ARHGEF4: variants seen among roughly 807,000 people sequenced by gnomAD.
The protein encoded by ARHGEF4 is Rho guanine nucleotide exchange factor 4, also known as APC-stimulated guanine nucleotide exchange factor 1.
In ARHGEF4, 119 loss-of-function variants were observed where a neutral mutation model predicts 162.0. The observed-to-expected ratio is 0.73, with a 90% CI of 0.63 to 0.86. The LOEUF is 0.86. Ranked by LOEUF, ARHGEF4 falls within the 40% of genes least tolerant of loss-of-function variation. The pLI is 0.00. For missense variants in ARHGEF4, 2,488 were observed against 2,456.0 expected (o/e 1.01, Z -0.28); for synonymous variants, 1,014 against 979.9 (o/e 1.03, Z -0.65).
intron 1 of ARHGEF4, among the ~76,000 whole-genome samples, chr2:130,882,261 G>T (rs116378176): frequency 6.6e-6 from 1 of 152,100 alleles, no homozygotes. Context: ...GCTGGGCCCA[G>T]GAGGGCCTGT....
chr2:131,004,935 AACACCACAC>A (rs1335680306), intron 4 of ARHGEF4, among the ~76,000 whole-genome samples: 1 of 152,156 alleles, frequency 6.6e-6, no homozygotes, highest in African/African-American at 2.4e-5. Flanking sequence ...GGAGAAGGAT[AACACCACAC>A]ACACACCAGG....
chr2:131,031,993 C>T (rs1046191200), intron 5 of ARHGEF4, among the ~76,000 whole-genome samples: 9 of 152,188 alleles, frequency 5.9e-5, no homozygotes, highest in African/African-American at 1.4e-4. Flanking sequence ...GGGGAGAGGA[C>T]GGCCTGGCTC....
chr2:131,033,643 T>TG (rs1383909169), intron 5 of ARHGEF4, among the ~76,000 whole-genome samples: 1 of 152,190 alleles, frequency 6.6e-6, no homozygotes, highest in Non-Finnish European at 1.5e-5. Flanking sequence ...TGCTGGGATT[T>TG]GGGGGTACCA....
chr2:130,956,811 A>C (rs927871123), intron 4 of ARHGEF4, among the ~76,000 whole-genome samples: 1 of 102,228 alleles, frequency 9.8e-6, no homozygotes, highest in Non-Finnish European at 1.8e-5. Context: ...CACTCAGGGG[A>C]CTGTCGTGGG....
At chr2:130,902,646 A>T (rs2105019465) in intron 1 of ARHGEF4, among the ~76,000 whole-genome samples, 1 of 149,932 alleles carries the variant, frequency 6.7e-6, no homozygotes, top group South Asian at 2.1e-4. Context: ...AAAAGAAAAG[A>T]AAAGAGAACC....
At chr2:131,023,302 G>GT (rs1456578151) in intron 4 of ARHGEF4, among the ~76,000 whole-genome samples, 1 of 151,850 alleles carries the variant, frequency 6.6e-6, no homozygotes, top group Non-Finnish European at 1.5e-5. Context: ...GTGTGGTGGT[G>GT]TGAGCCTGTA....
At chr2:130,845,132 A>G (rs559421417) in intron 1 of ARHGEF4, among the ~76,000 whole-genome samples, 187 of 150,530 alleles carry the variant, frequency 1.2e-3, no homozygotes, top group Non-Finnish European at 2.5e-3. Context: ...TATTTTACTT[A>G]TAACCAGTGG....
chr2:130,906,525 C>T (rs1250355962), intron 1 of ARHGEF4, among the ~76,000 whole-genome samples: 1 of 152,180 alleles, frequency 6.6e-6, no homozygotes, highest in Non-Finnish European at 1.5e-5. Context: ...TAGCCTTAAG[C>T]TTTTGTTTGT....
intron 4 of ARHGEF4, among the ~76,000 whole-genome samples, chr2:130,959,302 T>C (rs1488423616): frequency 2.6e-5 from 4 of 152,030 alleles, no homozygotes; most frequent in Non-Finnish European, 4.4e-5. Context: ...GTTCTGCACA[T>C]AGAAGGTTTA....
At chr2:130,847,175 C>T (rs1038862013) in intron 1 of ARHGEF4, among the ~76,000 whole-genome samples, 2 of 152,250 alleles carry the variant, frequency 1.3e-5, no homozygotes, top group East Asian at 1.9e-4. Context: ...CGGCTGCACC[C>T]TCCAGAAGCA....
chr2:131,013,654 G>A (rs773996531), intron 4 of ARHGEF4, among the ~76,000 whole-genome samples: 2 of 152,206 alleles, frequency 1.3e-5, no homozygotes, highest in Non-Finnish European at 2.9e-5. Flanking sequence ...AGACTGGAGT[G>A]CAGTGGTGCG....
chr2:131,035,272 C>A, intron 5 of ARHGEF4: 3 of 1,218,316 alleles, frequency 2.5e-6, no homozygotes, highest in African/African-American at 3.1e-5. Flanking sequence ...AGCGGCCGCG[C>A]AGGGCGCCGC....
chr2:130,866,285 G>T (rs1468139530), intron 1 of ARHGEF4, among the ~76,000 whole-genome samples: 1 of 152,188 alleles, frequency 6.6e-6, no homozygotes, highest in African/African-American at 2.4e-5. Context: ...TCGGGAGACT[G>T]AGGCAGGAGA....
intron 1 of ARHGEF4, among the ~76,000 whole-genome samples, chr2:130,907,889 G>A (rs770369438): frequency 5.3e-5 from 8 of 150,654 alleles, no homozygotes; most frequent in Non-Finnish European, 1.2e-4. Context: ...CTGGGAGGGC[G>A]GAGGTTGCAG....
chr2:130,915,405 G>C lies in ARHGEF4; in HGVS notation c.1459G>C (p.Glu487Gln), dbSNP rs1377169339. The C allele has an allele frequency of 1.3e-6, 2 of 1,550,616 alleles. No individual in the cohort carries two copies. The highest frequency in any genetic ancestry group is 1.7e-6 in the Non-Finnish European group (2 of 1,147,022). Residue 487 changes from glutamate to glutamine, a missense_variant, in exon 2 of 14, where the codon GAG becomes CAG. Transcript: ENST00000409359. ...QLAPRAADER[E>Q]TQKHLWGISV... The stretch of plus-strand genomic sequence containing the variant: ...CGCACCAAGAGCTGCTGATGAGAGA[G>C]AGACACAGAAGCACCTCTGGGGCAT...
chr2:131,014,670 A>G (rs1489441145), intron 4 of ARHGEF4, among the ~76,000 whole-genome samples: 1 of 152,210 alleles, frequency 6.6e-6, no homozygotes, highest in Non-Finnish European at 1.5e-5. Flanking sequence ...TTAAAACATA[A>G]GGTCTCTTTC....
intron 4 of ARHGEF4, among the ~76,000 whole-genome samples, chr2:130,981,994 A>C (rs373212251): frequency 2.7e-5 from 4 of 150,430 alleles, no homozygotes; most frequent in African/African-American, 9.7e-5. Flanking sequence ...AAGAATTGCC[A>C]AACTGCCAAT....
Position 131,045,004 on chromosome 2 carries a change from C to T in ARHGEF4, c.5402-365C>T, listed in dbSNP as rs912644256. Among the ~76,000 whole-genome samples, 16 of 152,198 alleles carry T rather than the reference C, an allele frequency of 1.1e-4. 1 individual carries two copies. Among genetic ancestry groups the T allele is most frequent in the Admixed American group, 9.2e-4 (14 of 15,290 alleles). On this transcript the variant is annotated intron_variant, in intron 12 of 13. Transcript: ENST00000409359. ...ACATCTCCCCACTACACCTTCCCTC[C>T]TGTCCACGGGCCCCCACATTACCCG...
chr2:131,038,802 G>C (rs761652969), intron 5 of ARHGEF4, 51 bp from the exon 6 acceptor site: 3 of 1,549,256 alleles, frequency 1.9e-6, no homozygotes, highest in Non-Finnish European at 1.7e-6. Flanking sequence ...AGAGCAGGGA[G>C]GCCCAGGCAG....
Sources: gnomAD v4.1 joint callset for allele counts (sites outside exome capture counted in the v4.1 genomes callset) on GRCh38, gnomAD v4.1.1 for gene constraint, MANE v1.5 for transcripts, NCBI Gene and HGNC (gene_info 2026-07-23, HGNC 2026-07-21) for gene names.